KCNQ1: variants seen among roughly 807,000 people sequenced by gnomAD.
KCNQ1 encodes the protein potassium voltage-gated channel subfamily KQT member 1.
A neutral mutation model predicts 72.4 loss-of-function variants in KCNQ1; 49 were observed. That is an observed-to-expected ratio of 0.68 (90% CI 0.54 to 0.86). The LOEUF is 0.86. Among genes scored for constraint, KCNQ1 ranks in the 40% least tolerant of loss-of-function variants. KCNQ1 has a pLI of 0.00. For synonymous variants in KCNQ1, 450 were observed against 412.6 expected (o/e 1.09, Z -1.10); for missense variants, 790 against 945.1 (o/e 0.84, Z 2.15).
At position 2,735,574 on chromosome 11, in the gene KCNQ1, G is replaced by GT. The variant is rs1349008717; in HGVS notation, c.1515-33268dup. On this transcript the variant is annotated intron_variant, in intron 11 of 15. Transcript: ENST00000155840. This position sits in a 1 kb window ranked among gnomAD's most constrained non-coding sequence, Gnocchi z 7.7. The stretch of plus-strand genomic sequence containing the variant: ...ACCCTCTCCCTCCTCACCATTTTCT[G>GT]TTGAGCACACTTGAGGAGCACTTGG... 2.0e-5 allele frequency among the ~76,000 whole-genome samples: 3 copies of GT among 152,184 alleles called. No individual in the cohort carries two copies. Among genetic ancestry groups the GT allele is most frequent in the South Asian group, 4.2e-4 (2 of 4,814 alleles).
Position 2,451,450 on chromosome 11 carries a change from C to A in KCNQ1, c.386+5966C>A, listed in dbSNP as rs1012280794. On this transcript the variant is annotated intron_variant, in intron 1 of 15. Transcript: ENST00000155840. The surrounding 1 kb of genome is among the most constrained non-coding windows in gnomAD (Gnocchi z 6.4). ...AGGCCACGGACCCGGGGTTGGAGAA[C>A]CCTGTCTTAGAGGATTGAGGCTCGG... Among the ~76,000 whole-genome samples the A allele has an allele frequency of 6.6e-6, 1 of 152,188 alleles. No homozygotes were observed. Among genetic ancestry groups the A allele is most frequent in the Admixed American group, 6.5e-5 (1 of 15,282 alleles).
rs78019275 is a variant in KCNQ1, at chr11:2,471,676, A to G, written c.386+26192A>G. Among the ~76,000 whole-genome samples the G allele has an allele frequency of 0.024, 3,639 of 151,026 alleles. 87 individuals carry two copies. The highest frequency in any genetic ancestry group is 0.059 in the African/African-American group (2,403 of 40,962). On this transcript the variant is annotated intron_variant, in intron 1 of 15. Transcript: ENST00000155840. This position sits in a 1 kb window ranked among gnomAD's most constrained non-coding sequence, Gnocchi z 4.8. ...TGTATGGGTGTGTGCATGGGTGTGC[A>G]CATGTGTATGGGTGTGCATGTGTGT...
intron 15 of KCNQ1, among the ~76,000 whole-genome samples, chr11:2,821,554 C>A (rs1590110556): frequency 6.6e-6 from 1 of 152,142 alleles, no homozygotes; most frequent in East Asian, 1.9e-4. Flanking sequence ...GCCCCACTGA[C>A]CCCACACAGT....
chr11:2,460,940 C>T (rs1051775898), intron 1 of KCNQ1, among the ~76,000 whole-genome samples: 11 of 152,180 alleles, frequency 7.2e-5, no homozygotes, highest in Admixed American at 3.9e-4. Context: ...GGGGGTGTGG[C>T]CTCCTGTGGA....
chr11:2,645,091 G>A lies in KCNQ1; in HGVS notation c.1394-16870G>A, dbSNP rs555485685. 17 of 398,694 alleles carry A rather than the reference G, an allele frequency of 4.3e-5. No homozygotes were observed. Among genetic ancestry groups the A allele is most frequent in the Admixed American group, 4.0e-4 (9 of 22,744 alleles). 24.7% of individuals were successfully genotyped at this position (398,694 alleles called of 1,614,324 possible). A position where few individuals can be genotyped will look rare whatever the true frequency, so the allele number is the denominator to read the frequency against. On this transcript the variant is annotated intron_variant, in intron 10 of 15. Transcript: ENST00000155840. The surrounding 1 kb of genome is among the most constrained non-coding windows in gnomAD (Gnocchi z 5.8). ...TGGGCCACAGGGTGGGTAGGTCCTTGAGCTCTGAGCAGCAGATATGGCTTG... is the reference window on the plus strand; with the variant it reads ...TGGGCCACAGGGTGGGTAGGTCCTTAAGCTCTGAGCAGCAGATATGGCTTG...
chr11:2,555,673 C>T (rs1042685256), intron 2 of KCNQ1, among the ~76,000 whole-genome samples: 15 of 152,236 alleles, frequency 9.9e-5, no homozygotes, highest in African/African-American at 3.1e-4. Context: ...GCGGGCAGCC[C>T]CACCTGCCTT....
At position 2,547,551 on chromosome 11, in the gene KCNQ1, A is replaced by G. The variant is rs1267275968; in HGVS notation, c.477+19533A>G. ...GCCCAGCCTGTATTTTTGTCCTAATAGTTACCTTTATACATATGCCTTTCA... is the reference window on the plus strand; with the variant it reads ...GCCCAGCCTGTATTTTTGTCCTAATGGTTACCTTTATACATATGCCTTTCA... On this transcript the variant is annotated intron_variant, in intron 2 of 15. Coordinates refer to ENST00000155840, the MANE Select transcript of KCNQ1 (RefSeq NM_000218.3). The surrounding 1 kb of genome is among the most constrained non-coding windows in gnomAD (Gnocchi z 4.2). Among the ~76,000 whole-genome samples the G allele has an allele frequency of 1.3e-5, 2 of 152,148 alleles. No homozygotes were observed. Among genetic ancestry groups the G allele is most frequent in the Non-Finnish European group, 2.9e-5 (2 of 68,032 alleles).
In KCNQ1 at chr11:2,544,280, G is replaced by A. The variant is rs28828091; in HGVS notation, c.477+16262G>A. On this transcript the variant is annotated intron_variant, in intron 2 of 15. Coordinates refer to ENST00000155840, the MANE Select transcript of KCNQ1 (RefSeq NM_000218.3). This position sits in a 1 kb window ranked among gnomAD's most constrained non-coding sequence, Gnocchi z 4.4. ...TATATGTGTGTGTGTGTATATATAT[G>A]TGTATATATATATGTATATATGTGT... 1.3e-5 allele frequency among the ~76,000 whole-genome samples: 1 copy of A among 78,302 alleles called. No homozygotes were observed. The highest frequency in any genetic ancestry group is 9.7e-5 in the African/African-American group (1 of 10,284). 51.4% of individuals were successfully genotyped at this position (78,302 alleles called of 152,430 possible).
At chr11:2,667,768 G>A (rs901737537) in intron 11 of KCNQ1, 6 of 398,604 alleles carry the variant, frequency 1.5e-5, no homozygotes, top group African/African-American at 1.2e-4. Flanking sequence ...CGGCCCTGAA[G>A]GCCAGGGCTA....
intron 1 of KCNQ1, chr11:2,461,439 T>TTCCCTTCC: frequency 7.8e-7 from 1 of 1,283,380 alleles, no homozygotes; most frequent in African/African-American, 1.5e-5. Flanking sequence ...GTGGCCCCTC[T>TTCCCTTCC]TCCCTTCCTC....
intron 15 of KCNQ1, among the ~76,000 whole-genome samples, chr11:2,789,119 G>A (rs1187978797): frequency 1.3e-5 from 2 of 152,086 alleles, no homozygotes; most frequent in Non-Finnish European, 2.9e-5. Flanking sequence ...CCTCTGAACC[G>A]CAGCCCAGCT....
In KCNQ1 at chr11:2,588,973, AACAG is replaced by A; in HGVS notation, c.1393+125_1393+128del. The A allele has an allele frequency of 3.3e-6, 4 of 1,215,424 alleles. No individual in the cohort carries two copies. Among genetic ancestry groups the A allele is most frequent in the Non-Finnish European group, 3.5e-6 (3 of 853,226 alleles). The allele number at this position is 1,215,424 out of a possible 1,614,324, so 75.3% of individuals were successfully genotyped here. ...CTGTGGTCTCTGACAACGAGGTATG[AACAG>A]ACAGAGGGTGGAGCTTCTAGAAACT... On this transcript the variant is annotated intron_variant, in intron 10 of 15. Transcript: ENST00000155840. This position sits in a 1 kb window ranked among gnomAD's most constrained non-coding sequence, Gnocchi z 5.6.
chr11:2,685,825 C>T lies in KCNQ1; in HGVS notation c.1514+23744C>T, dbSNP rs144675024. ...CCTGAGAATGCGATTCCTACTAGAA[C>T]GAGGCTGTTTCCCAGGCTGCCTCCT... On this transcript the variant is annotated intron_variant, in intron 11 of 15. Transcript: ENST00000155840. 968 of 398,728 alleles carry T rather than the reference C, an allele frequency of 2.4e-3. 1 individual carries two copies. Among genetic ancestry groups the T allele is most frequent in the Non-Finnish European group, 3.1e-3 (695 of 226,130 alleles). 24.7% of individuals were successfully genotyped at this position (398,728 alleles called of 1,614,324 possible).
At chr11:2,791,880 A>G (rs1046213829) in intron 15 of KCNQ1, among the ~76,000 whole-genome samples, 1 of 152,224 alleles carries the variant, frequency 6.6e-6, no homozygotes, top group East Asian at 1.9e-4. Context: ...TGGCGTCCAC[A>G]AAATGGCTGA....
chr11:2,520,051 C>T (rs1400650682), intron 1 of KCNQ1, among the ~76,000 whole-genome samples: 1 of 152,258 alleles, frequency 6.6e-6, no homozygotes, highest in Non-Finnish European at 1.5e-5. Context: ...TCGCCCCCAC[C>T]CCCCAGGATG....
rs569883066 is a variant in KCNQ1 at position 2,703,799 on chromosome 11, C to G, written c.1514+41718C>G. Among the ~76,000 whole-genome samples the G allele has an allele frequency of 9.8e-5, 15 of 152,338 alleles. No homozygotes were observed. The highest frequency in any genetic ancestry group is 3.4e-4 in the African/African-American group (14 of 41,576). Reference sequence around the variant, plus strand: ...GGAGTTCTGTGGGCCTCAATTCTCTCCCTACCCTGCCCCCACCCTCGGAGT... The same window carrying G: ...GGAGTTCTGTGGGCCTCAATTCTCTGCCTACCCTGCCCCCACCCTCGGAGT... On this transcript the variant is annotated intron_variant, in intron 11 of 15. Transcript: ENST00000155840. The surrounding 1 kb of genome is among the most constrained non-coding windows in gnomAD (Gnocchi z 6.4).
chr11:2,751,932 C>A (rs981889032), intron 11 of KCNQ1, among the ~76,000 whole-genome samples: 1 of 152,216 alleles, frequency 6.6e-6, no homozygotes, highest in Non-Finnish European at 1.5e-5. Flanking sequence ...CGTGGATGCC[C>A]ACACACGGCA....
Position 2,794,021 on chromosome 11 carries a change from G to A in KCNQ1, c.1794+15984G>A, listed in dbSNP as rs556645884. ...CAGCCTTGCAAAGGCCCTAGGGCAC[G>A]AGGGCACATCCTCCTGAGGCCATGA... On this transcript the variant is annotated intron_variant, in intron 15 of 15. Transcript: ENST00000155840. Among the ~76,000 whole-genome samples, 78 of 152,292 alleles carry A rather than the reference G, an allele frequency of 5.1e-4. 1 individual carries two copies. Among genetic ancestry groups the A allele is most frequent in the African/African-American group, 1.4e-3 (60 of 41,564 alleles).
Position 2,471,654 on chromosome 11 carries a change from A to G in KCNQ1, c.386+26170A>G, listed in dbSNP as rs1440053313. Among the ~76,000 whole-genome samples, 1 of 143,964 alleles carries G rather than the reference A, an allele frequency of 6.9e-6. No homozygotes were observed. Among genetic ancestry groups the G allele is most frequent in the African/African-American group, 2.6e-5 (1 of 38,326 alleles). The allele number at this position is 143,964 out of a possible 152,430, so 94.4% of individuals were successfully genotyped here. On this transcript the variant is annotated intron_variant, in intron 1 of 15. Coordinates refer to ENST00000155840, the MANE Select transcript of KCNQ1 (RefSeq NM_000218.3). This position sits in a 1 kb window ranked among gnomAD's most constrained non-coding sequence, Gnocchi z 4.8. ...TGCACGGATGTGTGTACACATGTGT[A>G]TGGGTGTGTGCATGGGTGTGCACAT...
Sources: allele counts gnomAD v4.1 joint callset (sites outside exome capture counted in the v4.1 genomes callset), GRCh38; gene constraint gnomAD v4.1.1; non-coding constraint Gnocchi (gnomAD v3.1); transcripts MANE v1.5; gene names NCBI Gene and HGNC (gene_info 2026-07-23, HGNC 2026-07-21).